The following RGS7 variants were observed in gnomAD, a reference collection of about 807,000 sequenced individuals.
RGS7 encodes the protein regulator of G-protein signaling 7.
In RGS7, 27 loss-of-function variants were observed where a neutral mutation model predicts 81.1. The observed-to-expected ratio is 0.33, with a 90% CI of 0.25 to 0.46. The LOEUF (loss-of-function observed/expected upper bound fraction) is 0.46. RGS7 is among the 20% of genes least tolerant of loss of function. RGS7 has a pLI of 1.00. For synonymous variants in RGS7, 208 were observed against 207.7 expected (o/e 1.00, Z -0.01); for missense variants, 396 against 607.4 (o/e 0.65, Z 3.66).
At chr1:241,300,000 A>T (rs1262415286) in intron 2 of RGS7, among the ~76,000 whole-genome samples, 2 of 150,414 alleles carry the variant, frequency 1.3e-5, no homozygotes, top group Non-Finnish European at 3.0e-5. Context: ...TTGTAATACC[A>T]GCCACTCGGG....
chr1:240,802,795 A>ATGT, intron 16 of RGS7, 109 bp downstream of exon 16: 1 of 798,604 alleles, frequency 1.3e-6, no homozygotes, highest in Non-Finnish European at 2.3e-6. Context: ...GTCTTGGAGT[A>ATGT]TGTTCACTTA....
chr1:240,859,763 G>C (rs886592377), intron 9 of RGS7, among the ~76,000 whole-genome samples: 10 of 151,674 alleles, frequency 6.6e-5, no homozygotes, highest in African/African-American at 2.4e-4. Context: ...GATTTAACTT[G>C]TTCTCCTATT....
At chr1:241,028,821 T>A (rs866506001) in intron 3 of RGS7, among the ~76,000 whole-genome samples, 36 of 152,248 alleles carry the variant, frequency 2.4e-4, no homozygotes, top group African/African-American at 8.4e-4. Context: ...ATGAGCTACA[T>A]CATAATGACA....
intron 3 of RGS7, among the ~76,000 whole-genome samples, chr1:241,037,046 C>T (rs1284104154): frequency 2.0e-5 from 3 of 152,142 alleles, no homozygotes; most frequent in Non-Finnish European, 2.9e-5. Context: ...AAATATGCTT[C>T]TGTCATAATA....
intron 18 of RGS7, among the ~76,000 whole-genome samples, chr1:240,789,463 T>G (rs996279448): frequency 4.6e-5 from 7 of 152,218 alleles, no homozygotes; most frequent in Admixed American, 4.6e-4. Context: ...AGAGCCATAT[T>G]TCTCTTCTTT....
intron 2 of RGS7, among the ~76,000 whole-genome samples, chr1:241,138,186 A>C (rs2067666919): frequency 6.6e-6 from 1 of 151,888 alleles, no homozygotes. Context: ...ACAAAAAAAA[A>C]AAAAAAAAGA....
At chr1:241,042,378 T>G (rs1331253585) in intron 3 of RGS7, among the ~76,000 whole-genome samples, 2 of 152,242 alleles carry the variant, frequency 1.3e-5, no homozygotes, top group African/African-American at 4.8e-5. Context: ...TCTGTGTTTA[T>G]GCTTCCTATA....
At chr1:240,922,338 T>G (rs947970601) in intron 6 of RGS7, among the ~76,000 whole-genome samples, 3 of 151,974 alleles carry the variant, frequency 2.0e-5, no homozygotes, top group Non-Finnish European at 4.4e-5. Context: ...AGACACAACA[T>G]CAAAAGCACA....
intron 6 of RGS7, among the ~76,000 whole-genome samples, chr1:240,891,678 A>G (rs1668315188): frequency 6.6e-6 from 1 of 152,212 alleles, no homozygotes. Flanking sequence ...TAGTCTCCTA[A>G]TTCCTTGTGT....
At chr1:241,075,722 A>G (rs1005564156) in intron 3 of RGS7, among the ~76,000 whole-genome samples, 5 of 152,214 alleles carry the variant, frequency 3.3e-5, no homozygotes, top group African/African-American at 1.2e-4. Context: ...AGCTTGCCCT[A>G]GATGATTTTT....
At chr1:241,225,557 G>A (rs2075267763) in intron 2 of RGS7, among the ~76,000 whole-genome samples, 1 of 152,194 alleles carries the variant, frequency 6.6e-6, no homozygotes, top group Non-Finnish European at 1.5e-5. Flanking sequence ...CTGGCTGGAT[G>A]AATCAGTGAA....
chr1:241,310,423 GTGT>G (rs908139406), intron 2 of RGS7, among the ~76,000 whole-genome samples: 18 of 119,300 alleles, frequency 1.5e-4, no homozygotes, highest in African/African-American at 4.7e-4. Flanking sequence ...GTGTGTGAGA[GTGT>G]ATGTGTGTCT....
chr1:241,199,185 C>T (rs2073305108), intron 2 of RGS7, among the ~76,000 whole-genome samples: 1 of 151,978 alleles, frequency 6.6e-6, no homozygotes, highest in African/African-American at 2.4e-5. Context: ...ACTTTATTGG[C>T]CGGTCTCACG....
chr1:241,095,034 T>A (rs1343898972), intron 3 of RGS7, among the ~76,000 whole-genome samples: 2 of 152,022 alleles, frequency 1.3e-5, no homozygotes, highest in Non-Finnish European at 2.9e-5. Flanking sequence ...CCAAGTAAAA[T>A]TTTTTTTAAA....
intron 6 of RGS7, among the ~76,000 whole-genome samples, chr1:240,929,123 G>A (rs536517399): frequency 4.6e-5 from 7 of 152,228 alleles, no homozygotes; most frequent in Admixed American, 4.6e-4. Context: ...GATATTGCAC[G>A]CCTAAAGTCA....
chr1:240,790,673 C>CGGG (rs1201237417), intron 18 of RGS7, among the ~76,000 whole-genome samples: 2 of 152,152 alleles, frequency 1.3e-5, no homozygotes, highest in African/African-American at 4.8e-5. Flanking sequence ...CTGCTGTCTA[C>CGGG]GGGTACCACA....
At chr1:241,149,698 A>G (rs1192213357) in intron 2 of RGS7, among the ~76,000 whole-genome samples, 1 of 152,230 alleles carries the variant, frequency 6.6e-6, no homozygotes, top group Non-Finnish European at 1.5e-5. Flanking sequence ...TTTGGGAGAT[A>G]ACTAAAGAGG....
intron 9 of RGS7, among the ~76,000 whole-genome samples, chr1:240,865,129 T>G (rs1662999556): frequency 6.6e-6 from 1 of 152,194 alleles, no homozygotes; most frequent in Admixed American, 6.5e-5. Context: ...GGTAGATATA[T>G]TTCCATTTTA....
intron 4 of RGS7, among the ~76,000 whole-genome samples, chr1:240,944,803 T>A (rs529154583): frequency 6.6e-6 from 1 of 152,362 alleles, no homozygotes; most frequent in East Asian, 1.9e-4. Context: ...AACCTCCGCC[T>A]TCCAGGTTCA....
Sources: gnomAD v4.1 joint callset for allele counts (sites outside exome capture counted in the v4.1 genomes callset) on GRCh38, gnomAD v4.1.1 for gene constraint, MANE v1.5 for transcripts, NCBI Gene and HGNC (gene_info 2026-07-23, HGNC 2026-07-21) for gene names.